The following FANCB variants were observed in gnomAD, a reference collection of about 807,000 sequenced individuals.
The protein encoded by FANCB is Fanconi anemia group B protein.
FANCB carries 5 observed loss-of-function variants against 38.9 expected under a neutral mutation model. The observed-to-expected ratio is 0.13, with a 90% CI of 0.07 to 0.27. The LOEUF (loss-of-function observed/expected upper bound fraction) is 0.27, where lower values mean the gene tolerates loss of function less well. FANCB is among the 10% of genes least tolerant of loss of function. The probability of loss-of-function intolerance (pLI) is 1.00; values close to 1 mark genes in which losing one functional copy is unlikely to be tolerated. For synonymous variants in FANCB, 236 were observed against 215.4 expected, an observed-to-expected ratio of 1.10 and a Z score of -0.84; for missense variants, 573 against 602.7, an observed-to-expected ratio of 0.95 and a Z score of 0.52.
the FANCB span, among the ~76,000 whole-genome samples, chrX:14,810,480 T>C: frequency 2.7e-5 from 3 of 112,147 alleles, no homozygotes; most frequent in Non-Finnish European, 5.6e-5. Flanking sequence ...AAGGAGCTGA[T>C]GGAGCTGAAA....
the FANCB span, among the ~76,000 whole-genome samples, chrX:14,806,790 T>A: frequency 3.6e-5 from 4 of 112,249 alleles, no homozygotes; most frequent in Admixed American, 3.8e-4. Context: ...TATACAATGA[T>A]AAATACACAA....
At chrX:14,737,967 T>TG in the FANCB span, among the ~76,000 whole-genome samples, 1 of 111,011 alleles carries the variant, frequency 9.0e-6, no homozygotes, top group South Asian at 3.8e-4. Context: ...TATGGCAGAG[T>TG]GGGTAGGCAC....
At chrX:14,750,603 G>T in the FANCB span, among the ~76,000 whole-genome samples, 2 of 110,826 alleles carry the variant, frequency 1.8e-5, no homozygotes, top group East Asian at 5.7e-4. Context: ...GGTTTGCCAG[G>T]AACAACTCAA....
downstream of FANCB, among the ~76,000 whole-genome samples, chrX:14,831,909 G>A (rs1452795957): frequency 9.0e-6 from 1 of 111,257 alleles, no homozygotes; most frequent in Non-Finnish European, 1.9e-5. Context: ...CAACGAAGAT[G>A]AGGAAAACTC....
At chrX:14,833,678 G>A (rs1399245316), downstream of FANCB, among the ~76,000 whole-genome samples, 2 of 108,198 alleles carry the variant, frequency 1.8e-5, no homozygotes, top group African/African-American at 6.7e-5. Context: ...TGGGTGTGGG[G>A]GGGGTTCACA....
intron 3 of FANCB, chrX:14,862,250 A>G (rs756931379): frequency 9.0e-6 from 1 of 111,594 alleles, no homozygotes; most frequent in Non-Finnish European, 1.9e-5. Context: ...TGAAGCACTT[A>G]CTTGTAGATA....
the FANCB span, among the ~76,000 whole-genome samples, chrX:14,801,941 C>T: frequency 3.5e-4 from 39 of 111,347 alleles, no homozygotes; most frequent in African/African-American, 1.2e-3. Flanking sequence ...GTGACTTAGT[C>T]TCCTTTAAGA....
At chrX:14,725,083 T>C in the FANCB span, among the ~76,000 whole-genome samples, 1 of 111,825 alleles carries the variant, frequency 8.9e-6, no homozygotes, top group Non-Finnish European at 1.9e-5. Flanking sequence ...ACTATAACTA[T>C]AGGAAGCCAC....
At chrX:14,704,338 C>G in the FANCB span, among the ~76,000 whole-genome samples, 1 of 112,364 alleles carries the variant, frequency 8.9e-6, no homozygotes, top group East Asian at 2.8e-4. Flanking sequence ...CACTATCTAG[C>G]TCTTAATTGG....
chrX:14,857,166 T>A (rs1271873847), intron 5 of FANCB, among the ~76,000 whole-genome samples: 3 of 112,323 alleles, frequency 2.7e-5, no homozygotes, highest in African/African-American at 9.7e-5. Context: ...GTATTGGGGA[T>A]ACAGAGATAA....
the FANCB span, among the ~76,000 whole-genome samples, chrX:14,828,222 T>C: frequency 0.023 from 2,532 of 111,932 alleles, 64 homozygotes; most frequent in African/African-American, 0.078. Context: ...AGGGTGGTGG[T>C]TGCTGAATGT....
the FANCB span, chrX:14,730,891 TAC>T: frequency 6.0e-3 from 583 of 97,777 alleles, 6 homozygotes; most frequent in African/African-American, 0.016. Flanking sequence ...AAGTTAGCTA[TAC>T]ACACACACAC....
chrX:14,820,024 T>G, the FANCB span, among the ~76,000 whole-genome samples: 18 of 111,450 alleles, frequency 1.6e-4, no homozygotes, highest in Non-Finnish European at 3.4e-4. Flanking sequence ...TAACATGATT[T>G]TGCAAGACCT....
intron 1 of FANCB, among the ~76,000 whole-genome samples, chrX:14,871,777 T>C (rs1051824404): frequency 9.0e-6 from 1 of 110,897 alleles, no homozygotes; most frequent in Non-Finnish European, 1.9e-5. Flanking sequence ...TTACCTACAA[T>C]GACTACAGTC....
the FANCB span, among the ~76,000 whole-genome samples, chrX:14,771,378 C>G: frequency 2.7e-5 from 3 of 111,212 alleles, no homozygotes; most frequent in African/African-American, 9.8e-5. Flanking sequence ...TTATTTCAGA[C>G]AGAGCATCTT....
At chrX:14,730,413 C>T in the FANCB span, 29 of 1,203,471 alleles carry the variant, frequency 2.4e-5, no homozygotes, top group South Asian at 4.8e-4. Context: ...TCCCATTGGC[C>T]TTCCTCATTT....
rs146895783 is a variant in FANCB, at chrX:14,854,866, T to C, written c.1198-1699A>G. ...TACTACCCTGGCCTTTTAAGATAAT[T>C]TCCTTGCCTGTCTTCAAATTTTACA... is the stretch of plus-strand genomic sequence containing the variant. On this transcript the variant is annotated intron_variant, in intron 5 of 9. Transcript: ENST00000650831. Among the ~76,000 whole-genome samples, 50 of 111,896 alleles carry C rather than the reference T, an allele frequency of 4.5e-4. No individual in the cohort carries two copies. The East Asian group carries it at 0.014, about 31-fold the overall frequency.
intron 1 of FANCB, among the ~76,000 whole-genome samples, chrX:14,869,779 C>T (rs1453348957): frequency 8.9e-6 from 1 of 111,828 alleles, no homozygotes; most frequent in East Asian, 2.8e-4. Flanking sequence ...AAAAAGCTTG[C>T]AAATCATTGC....
the FANCB span, among the ~76,000 whole-genome samples, chrX:14,712,874 T>G: frequency 1.8e-5 from 2 of 111,774 alleles, no homozygotes; most frequent in Admixed American, 1.9e-4. Context: ...CTGACCCCAA[T>G]GATTCCCAAA....
Sources: gnomAD v4.1 joint callset for allele counts (sites outside exome capture counted in the v4.1 genomes callset) on GRCh38, gnomAD v4.1.1 for gene constraint, MANE v1.5 for transcripts, NCBI Gene and HGNC (gene_info 2026-07-23, HGNC 2026-07-21) for gene names.